PALLD: variants seen among roughly 807,000 people sequenced by gnomAD.
PALLD encodes palladin, cytoskeletal associated protein.
PALLD carries 61 observed loss-of-function variants against 123.5 expected under a neutral mutation model. That is an observed-to-expected ratio of 0.49 (90% CI 0.40 to 0.61). PALLD has a LOEUF of 0.61. PALLD is among the 20% of genes least tolerant of loss of function. The probability of loss-of-function intolerance (pLI) is 0.00; values close to 1 mark genes in which losing one functional copy is unlikely to be tolerated. For missense variants in PALLD, 1,273 were observed against 1,377.0 expected, an observed-to-expected ratio of 0.92 and a Z score of 1.20; for synonymous variants, 465 against 496.4, an observed-to-expected ratio of 0.94 and a Z score of 0.84.
In PALLD at chr4:168,824,275, A is replaced by AT. The variant is rs145419168; in HGVS notation, c.1965-66640dup. Among the ~76,000 whole-genome samples the AT allele has an allele frequency of 6.5e-3, 987 of 152,022 alleles. 10 individuals carry two copies. Among genetic ancestry groups the AT allele is most frequent in the African/African-American group, 0.022 (916 of 41,458 alleles). ...ACTTTGTCCAGAAATACATTTTTTTATTTTTTTATTTTTTTACCAATCCTC... is the reference window on the plus strand; with the variant it reads ...ACTTTGTCCAGAAATACATTTTTTTATTTTTTTTATTTTTTTACCAATCCTC... On this transcript the variant is annotated intron_variant, in intron 10 of 21. Transcript: ENST00000505667.
intron 2 of PALLD, chr4:168,631,978 A>C: frequency 1.2e-6 from 1 of 858,234 alleles, no homozygotes; most frequent in Non-Finnish European, 1.4e-6. Flanking sequence ...GCATGCAAGT[A>C]CTCGTGCGAA....
chr4:168,735,986 G>A (rs527555721), intron 10 of PALLD, among the ~76,000 whole-genome samples: 15 of 152,284 alleles, frequency 9.9e-5, no homozygotes, highest in Admixed American at 6.5e-5. Flanking sequence ...TTGCCAAAAG[G>A]AAACAGCATA....
intron 14 of PALLD, among the ~76,000 whole-genome samples, chr4:168,900,846 C>T (rs762497039): frequency 2.6e-5 from 4 of 152,070 alleles, no homozygotes; most frequent in Non-Finnish European, 5.9e-5. Flanking sequence ...AGTTTATGAA[C>T]GAAATTCAAT....
intron 2 of PALLD, among the ~76,000 whole-genome samples, chr4:168,549,259 A>G (rs527421348): frequency 2.2e-5 from 2 of 92,822 alleles, no homozygotes; most frequent in East Asian, 5.1e-4. Flanking sequence ...GCAATGTCAC[A>G]CTTCTCAAAA....
chr4:168,853,916 C>T (rs1007145883), intron 10 of PALLD, among the ~76,000 whole-genome samples: 3 of 152,180 alleles, frequency 2.0e-5, no homozygotes, highest in Non-Finnish European at 2.9e-5. Context: ...GCAGCTCTGA[C>T]TTCTGCGGTT....
In PALLD at chr4:168,665,004, A is replaced by G. The variant is rs542839143; in HGVS notation, c.909-3186A>G. ...ATCTGTATGAAGAGACAAAATGTCA[A>G]GGGTTTTTTGTTAAATGGAAGAGTG... On this transcript the variant is annotated intron_variant, in intron 2 of 21. Coordinates refer to ENST00000505667, the MANE Select transcript of PALLD (RefSeq NM_001166108.2). Among the ~76,000 whole-genome samples the G allele has an allele frequency of 1.6e-4, 25 of 152,332 alleles. No individual in the cohort carries two copies. The South Asian group carries it at 5.2e-3, about 32-fold the overall frequency.
chr4:168,690,038 C>T (rs573101993), intron 6 of PALLD, among the ~76,000 whole-genome samples: 2 of 152,220 alleles, frequency 1.3e-5, no homozygotes, highest in South Asian at 4.2e-4. Context: ...GGAAGAAGTA[C>T]AGCATGTTTC....
chr4:168,724,955 A>G lies in PALLD; in HGVS notation c.1964+13032A>G, dbSNP rs6853267. On this transcript the variant is annotated intron_variant, in intron 10 of 21. Coordinates refer to ENST00000505667, the MANE Select transcript of PALLD (RefSeq NM_001166108.2). ...CCACTGTGTTTTCCTAGAGCTCACT[A>G]CTGTACACCATCTCGACTCTGAAGC... 0.031 allele frequency among the ~76,000 whole-genome samples: 4,745 copies of G among 152,232 alleles called. 340 individuals carry two copies. In the East Asian group the frequency reaches 0.32, roughly 10 times the overall value.
chr4:168,896,513 T>C (rs1386726740), intron 12 of PALLD, 36 bp from the exon 13 acceptor site: 2 of 1,203,860 alleles, frequency 1.7e-6, no homozygotes, highest in Non-Finnish European at 1.2e-6. Flanking sequence ...ATTATTTCTA[T>C]TATTAGTCTT....
chr4:168,834,006 C>T (rs937920612), intron 10 of PALLD, among the ~76,000 whole-genome samples: 6 of 149,384 alleles, frequency 4.0e-5, no homozygotes, highest in Admixed American at 2.7e-4. Context: ...TCCCCCAATC[C>T]CTAAGCTTTA....
chr4:168,664,143 G>T (rs1370715872), intron 2 of PALLD, among the ~76,000 whole-genome samples: 3 of 152,112 alleles, frequency 2.0e-5, no homozygotes, highest in Non-Finnish European at 4.4e-5. Flanking sequence ...AAACTTATTT[G>T]ACCATGAAAT....
chr4:168,604,178 A>T (rs1271658534), intron 2 of PALLD, among the ~76,000 whole-genome samples: 1 of 152,248 alleles, frequency 6.6e-6, no homozygotes. Context: ...GAGAGGTTAG[A>T]CAGTAACATC....
chr4:168,872,753 G>A (rs186735667), intron 10 of PALLD, among the ~76,000 whole-genome samples: 1 of 152,298 alleles, frequency 6.6e-6, no homozygotes, highest in African/African-American at 2.4e-5. Flanking sequence ...ATAAGTTAGT[G>A]CTAAACAAAT....
At chr4:168,828,702 A>G (rs1256990155) in intron 10 of PALLD, among the ~76,000 whole-genome samples, 2 of 152,258 alleles carry the variant, frequency 1.3e-5, no homozygotes, top group Admixed American at 6.5e-5. Context: ...TTTCTCCCCA[A>G]ATACTTGGCG....
In PALLD at chr4:168,680,751, A is replaced by G. The variant is rs1404706791; in HGVS notation, c.1088-581A>G. Among the ~76,000 whole-genome samples the G allele has an allele frequency of 2.0e-5, 3 of 152,226 alleles. No homozygotes were observed. In the East Asian group the frequency reaches 5.8e-4, roughly 29 times the overall value. ...AGTCTGTCACCTAAAATCTCTTGAC[A>G]TGAAATATGTAAACATCAAAATCTG... On this transcript the variant is annotated intron_variant, in intron 3 of 21. Coordinates refer to ENST00000505667, the MANE Select transcript of PALLD (RefSeq NM_001166108.2).
intron 10 of PALLD, among the ~76,000 whole-genome samples, chr4:168,759,790 A>G (rs1732565032): frequency 6.6e-6 from 1 of 152,080 alleles, no homozygotes; most frequent in African/African-American, 2.4e-5. Flanking sequence ...CATGGTGGCT[A>G]ATGCCTGTAA....
chr4:168,849,754 CAAA>C (rs36098159), intron 10 of PALLD, among the ~76,000 whole-genome samples: 21,156 of 145,760 alleles, frequency 0.15, 2,078 homozygotes, highest in African/African-American at 0.27. Flanking sequence ...ATTTTTAAAG[CAAA>C]AAAAAAAAAA....
intron 2 of PALLD, among the ~76,000 whole-genome samples, chr4:168,600,003 G>GTGTGTACACACACA (rs1561290712): frequency 7.2e-6 from 1 of 139,764 alleles, no homozygotes; most frequent in African/African-American, 2.5e-5. Context: ...ATACACACAC[G>GTGTGTACACACACA]TATATACATA....
intron 10 of PALLD, among the ~76,000 whole-genome samples, chr4:168,801,895 C>T (rs947345062): frequency 3.3e-5 from 5 of 152,122 alleles, no homozygotes; most frequent in Admixed American, 3.3e-4. Context: ...GTGAGAGTGG[C>T]ATAGGTAACA....
Sources: gnomAD v4.1 joint callset for allele counts (sites outside exome capture counted in the v4.1 genomes callset) on GRCh38, gnomAD v4.1.1 for gene constraint, MANE v1.5 for transcripts, NCBI Gene and HGNC (gene_info 2026-07-23, HGNC 2026-07-21) for gene names.